The following SGCZ variants were observed in gnomAD, a reference collection of about 807,000 sequenced individuals.
SGCZ encodes the protein zeta-sarcoglycan.
A neutral mutation model predicts 41.3 loss-of-function variants in SGCZ; 40 were observed. The observed-to-expected ratio is 0.97, with a 90% CI of 0.75 to 1.26. The LOEUF (loss-of-function observed/expected upper bound fraction) is 1.26, where lower values mean the gene tolerates loss of function less well. Ranked by LOEUF, SGCZ falls within the 50% of genes most tolerant of loss-of-function variation. The pLI is 0.00. For missense variants in SGCZ, 552 were observed against 369.8 expected, an observed-to-expected ratio of 1.49 and a Z score of -4.04; for synonymous variants, 206 against 137.5, an observed-to-expected ratio of 1.50 and a Z score of -3.49.
chr8:14,819,786 G>A (rs772531335), intron 1 of SGCZ, among the ~76,000 whole-genome samples: 1 of 151,990 alleles, frequency 6.6e-6, no homozygotes, highest in African/African-American at 2.4e-5. Context: ...AAGTTGCTAT[G>A]AACCTAAAAT....
chr8:14,491,121 C>T (rs1231537460), intron 2 of SGCZ, among the ~76,000 whole-genome samples: 1 of 119,590 alleles, frequency 8.4e-6, no homozygotes, highest in Admixed American at 9.1e-5. Flanking sequence ...AATTTGTTTA[C>T]TTGGTTTAGT....
At chr8:15,212,574 C>T (rs1801267233) in intron 1 of SGCZ, among the ~76,000 whole-genome samples, 1 of 152,024 alleles carries the variant, frequency 6.6e-6, no homozygotes, top group African/African-American at 2.4e-5. Flanking sequence ...GACTGAGAGC[C>T]TTGGCTACAG....
intron 2 of SGCZ, among the ~76,000 whole-genome samples, chr8:14,450,140 C>T (rs979851576): frequency 3.3e-5 from 5 of 152,160 alleles, no homozygotes. Flanking sequence ...GAGATGCCAT[C>T]GTGAATGTCC....
At chr8:14,708,856 C>T (rs960231276) in intron 1 of SGCZ, among the ~76,000 whole-genome samples, 2 of 140,912 alleles carry the variant, frequency 1.4e-5, no homozygotes, top group African/African-American at 2.7e-5. Context: ...GCTTTATAAT[C>T]CTATTACATT....
intron 1 of SGCZ, among the ~76,000 whole-genome samples, chr8:14,849,730 T>C (rs1457043284): frequency 1.3e-5 from 2 of 152,130 alleles, no homozygotes; most frequent in Non-Finnish European, 2.9e-5. Flanking sequence ...TGGTGTCTAT[T>C]TAATGAATGT....
intron 2 of SGCZ, among the ~76,000 whole-genome samples, chr8:14,542,476 C>T (rs1365795070): frequency 1.3e-5 from 2 of 152,148 alleles, no homozygotes; most frequent in East Asian, 3.9e-4. Flanking sequence ...CTTACAGAGA[C>T]ACTTTAACTA....
intron 3 of SGCZ, among the ~76,000 whole-genome samples, chr8:14,283,853 C>A (rs906420583): frequency 6.6e-6 from 1 of 152,200 alleles, no homozygotes; most frequent in Non-Finnish European, 1.5e-5. Flanking sequence ...GTGGCAGACT[C>A]TGAATTAAAC....
intron 1 of SGCZ, among the ~76,000 whole-genome samples, chr8:15,087,451 G>T (rs1363284499): frequency 6.6e-6 from 1 of 152,048 alleles, no homozygotes; most frequent in Non-Finnish European, 1.5e-5. Context: ...CTCGAACGCT[G>T]ATTTCATTCC....
At chr8:14,773,763 T>C (rs1800317373) in intron 1 of SGCZ, among the ~76,000 whole-genome samples, 1 of 152,132 alleles carries the variant, frequency 6.6e-6, no homozygotes, top group African/African-American at 2.4e-5. Flanking sequence ...TAAGGCAAAG[T>C]CAGCAGAGAC....
intron 1 of SGCZ, among the ~76,000 whole-genome samples, chr8:15,032,519 G>C (rs1563453446): frequency 6.6e-6 from 1 of 152,060 alleles, no homozygotes; most frequent in Admixed American, 6.5e-5. Context: ...GGGACTTATG[G>C]ACTGAGCCCC....
chr8:14,306,032 A>C (rs550147928), intron 3 of SGCZ, among the ~76,000 whole-genome samples: 3 of 152,330 alleles, frequency 2.0e-5, no homozygotes, highest in South Asian at 2.1e-4. Context: ...CACTTTGTGT[A>C]AACAAGGAAA....
intron 2 of SGCZ, among the ~76,000 whole-genome samples, chr8:14,412,110 A>G (rs1451637574): frequency 1.3e-5 from 2 of 152,232 alleles, no homozygotes; most frequent in East Asian, 3.9e-4. Flanking sequence ...AAAGAACAGT[A>G]TGTGTCATAT....
intron 2 of SGCZ, among the ~76,000 whole-genome samples, chr8:14,456,731 C>G (rs1800755890): frequency 6.6e-6 from 1 of 152,064 alleles, no homozygotes; most frequent in Admixed American, 6.5e-5. Context: ...ATGTCCTCAC[C>G]CAAATCTCAT....
chr8:14,964,331 G>C (rs1413872783), intron 1 of SGCZ, among the ~76,000 whole-genome samples: 1 of 152,126 alleles, frequency 6.6e-6, no homozygotes, highest in African/African-American at 2.4e-5. Context: ...ATACAAATTT[G>C]ACTATTCCTC....
chr8:14,366,053 G>C (rs970167650), intron 2 of SGCZ, among the ~76,000 whole-genome samples: 1 of 151,942 alleles, frequency 6.6e-6, no homozygotes, highest in African/African-American at 2.4e-5. Context: ...TGCATCTTGA[G>C]TTGGAAACTT....
chr8:14,256,603 C>T (rs1799474508), intron 3 of SGCZ, among the ~76,000 whole-genome samples: 1 of 152,104 alleles, frequency 6.6e-6, no homozygotes, highest in African/African-American at 2.4e-5. Flanking sequence ...TAAGACAATG[C>T]ATTTTGAAGA....
At position 14,554,733 on chromosome 8, in the gene SGCZ, A is replaced by G. The variant is rs1803977278; in HGVS notation, c.233T>C (p.Val78Ala). 3 of 1,611,776 alleles carry G rather than the reference A, an allele frequency of 1.9e-6. No individual in the cohort carries two copies. Among genetic ancestry groups the G allele is most frequent in the Non-Finnish European group, 2.5e-6 (3 of 1,178,564 alleles). ...IWILKVMNFT[V>A]DGMGNLRVTK... ...ATGTAAAATCATAGTGGTACTTACC[A>G]CAGTGAAATTCATAACTTTCAATAT... is the stretch of plus-strand genomic sequence containing the variant. Residue 78 changes from valine to alanine, a missense_variant and splice_region_variant, in exon 2 of 8, where the codon GTG (valine) becomes GCG (alanine). By Grantham distance (64) the Val-to-Ala change is moderately conservative. Coordinates refer to ENST00000382080, the MANE Select transcript of SGCZ (RefSeq NM_139167.4).
intron 1 of SGCZ, among the ~76,000 whole-genome samples, chr8:15,114,825 G>C (rs1199471179): frequency 6.6e-6 from 1 of 150,536 alleles, no homozygotes; most frequent in Non-Finnish European, 1.5e-5. Context: ...GAGTTGCCCA[G>C]ACAAAAATGT....
At chr8:14,772,754 A>T (rs1800287910) in intron 1 of SGCZ, among the ~76,000 whole-genome samples, 1 of 152,058 alleles carries the variant, frequency 6.6e-6, no homozygotes, top group South Asian at 2.1e-4. Flanking sequence ...AAAGGACATG[A>T]ACTCATCATT....
Sources: allele counts gnomAD v4.1 joint callset (sites outside exome capture counted in the v4.1 genomes callset), GRCh38; gene constraint gnomAD v4.1.1; transcripts MANE v1.5; gene names NCBI Gene and HGNC (gene_info 2026-07-23, HGNC 2026-07-21).